METTL16: variants seen among roughly 807,000 people sequenced by gnomAD.
METTL16 encodes the protein methyltransferase 16, RNA N6-adenosine.
A neutral mutation model predicts 57.9 loss-of-function variants in METTL16; 19 were observed. The ratio of observed to expected loss-of-function variants is 0.33; its 90% CI spans 0.23 to 0.48. The LOEUF (loss-of-function observed/expected upper bound fraction) is 0.48. Ranked by LOEUF, METTL16 falls within the 20% of genes least tolerant of loss-of-function variation. METTL16 has a pLI of 0.99. For synonymous variants in METTL16, 246 were observed against 255.6 expected (o/e 0.96, Z 0.36); for missense variants, 434 against 691.5 (o/e 0.63, Z 4.18).
chr17:2,491,736 G>A (rs1319600013), intron 2 of METTL16, among the ~76,000 whole-genome samples: 21 of 150,844 alleles, frequency 1.4e-4, no homozygotes, highest in Non-Finnish European at 2.4e-4. Context: ...TTAGCCAGGC[G>A]TGGTGGTGGG....
At chr17:2,435,345 T>C (rs1213353995) in intron 8 of METTL16, among the ~76,000 whole-genome samples, 1 of 152,128 alleles carries the variant, frequency 6.6e-6, no homozygotes, top group African/African-American at 2.4e-5. Flanking sequence ...TAACTAGCTC[T>C]ATTCCTTGTC....
chr17:2,477,735 G>C lies in METTL16; in HGVS notation c.279C>G (p.Ile93Met), dbSNP rs371166494. The change falls in exon 3 of 10, where the codon ATC (isoleucine) becomes ATG (methionine). Residue 93 changes from isoleucine (I) to methionine (M), a missense_variant. Transcript: ENST00000263092. ...TACTTTTGTCAGAATCCTGGTGACC[G>C]ATCAGATCTTCTACCCAGTGAATAT... is the stretch of plus-strand genomic sequence containing the variant. ...LNYIHWVEDL[I>M]GHQDSDKSTL... 1 of 1,613,926 alleles carries C rather than the reference G, an allele frequency of 6.2e-7. No individual in the cohort carries two copies. The highest frequency in any genetic ancestry group is 1.1e-5 in the South Asian group (1 of 91,066).
intron 8 of METTL16, among the ~76,000 whole-genome samples, chr17:2,421,832 C>A (rs114303013): frequency 0.011 from 1,619 of 152,222 alleles, 18 homozygotes; most frequent in African/African-American, 0.032. Flanking sequence ...TGGCTGATGT[C>A]GGGACCAAGC....
intron 1 of METTL16, among the ~76,000 whole-genome samples, chr17:2,509,911 CAAA>C (rs776727388): frequency 2.8e-5 from 3 of 105,362 alleles, no homozygotes; most frequent in East Asian, 2.8e-4. Context: ...CACTCCGTCT[CAAA>C]AAAAAAAAAA....
At chr17:2,506,522 G>A (rs1454226015) in intron 1 of METTL16, among the ~76,000 whole-genome samples, 1 of 150,176 alleles carries the variant, frequency 6.7e-6, no homozygotes, top group Non-Finnish European at 1.5e-5. Flanking sequence ...TCCTAACCGC[G>A]AGTGATCCGC....
intron 3 of METTL16, among the ~76,000 whole-genome samples, chr17:2,474,306 T>C (rs2067254774): frequency 6.7e-6 from 1 of 150,126 alleles, no homozygotes; most frequent in Admixed American, 6.7e-5. Flanking sequence ...GGAAAAAATA[T>C]GTAGGGTATA....
At chr17:2,435,268 TA>T (rs1327366429) in intron 8 of METTL16, among the ~76,000 whole-genome samples, 2 of 152,244 alleles carry the variant, frequency 1.3e-5, no homozygotes, top group African/African-American at 4.8e-5. Flanking sequence ...GAAGTTGCCA[TA>T]GTAACTTGCA....
At chr17:2,452,852 T>C (rs2067081145) in intron 6 of METTL16, among the ~76,000 whole-genome samples, 1 of 152,116 alleles carries the variant, frequency 6.6e-6, no homozygotes, top group Admixed American at 6.6e-5. Context: ...TTTTTGTTTT[T>C]GTTTTTGTTT....
chr17:2,431,233 T>G (rs1163396342), intron 8 of METTL16, among the ~76,000 whole-genome samples: 1 of 151,506 alleles, frequency 6.6e-6, no homozygotes, highest in Admixed American at 6.6e-5. Flanking sequence ...ATGTGGGAGC[T>G]GCTGCACCCA....
intron 1 of METTL16, 139 bp from the exon 2 acceptor site, chr17:2,502,470 G>T (rs2067496348): frequency 1.5e-6 from 1 of 683,088 alleles, no homozygotes; most frequent in Non-Finnish European, 2.4e-6. Flanking sequence ...AGGAGTTCAA[G>T]ACCATCCCAT....
intron 1 of METTL16, among the ~76,000 whole-genome samples, chr17:2,511,209 AG>A (rs2067584632): frequency 1.1e-5 from 1 of 89,080 alleles, no homozygotes; most frequent in Admixed American, 1.4e-4. Context: ...CCTGAGAATG[AG>A]GCTTTCCCTT....
At position 2,511,887 on chromosome 17, in the gene METTL16, G is replaced by C. The variant is rs990821283; in HGVS notation, c.-129C>G. 13 of 398,516 alleles carry C rather than the reference G, an allele frequency of 3.3e-5. No individual in the cohort carries two copies. The highest frequency in any genetic ancestry group is 5.3e-5 in the Non-Finnish European group (12 of 226,150). The allele number at this position is 398,516 out of a possible 1,614,324, so 24.7% of individuals were successfully genotyped here. A position where few individuals can be genotyped will look rare whatever the true frequency, so the allele number is the denominator to read the frequency against. ...TACGCTCCCAGCGCGCCGCCATCTT[G>C]TGAAGCCATCTAGCCTCGTGATTGG... is the stretch of plus-strand genomic sequence containing the variant. On this transcript the variant is annotated 5_prime_UTR_variant, in exon 1 of 10. Transcript: ENST00000263092.
intron 6 of METTL16, among the ~76,000 whole-genome samples, chr17:2,460,829 G>A (rs969898146): frequency 6.7e-6 from 1 of 149,138 alleles, no homozygotes; most frequent in Non-Finnish European, 1.5e-5. Flanking sequence ...AGGTTGCAGT[G>A]AGCCAAGATC....
intron 3 of METTL16, among the ~76,000 whole-genome samples, chr17:2,475,769 C>T (rs1016234507): frequency 6.6e-5 from 10 of 152,132 alleles, no homozygotes; most frequent in Non-Finnish European, 1.5e-5. Context: ...CTGATGGAGT[C>T]TGGGGGAAGA....
chr17:2,510,100 C>CT, intron 1 of METTL16, among the ~76,000 whole-genome samples: 1 of 151,926 alleles, frequency 6.6e-6, no homozygotes, highest in Non-Finnish European at 1.5e-5. Flanking sequence ...AGAAAATGTT[C>CT]TTTCTTGTGA....
chr17:2,428,581 AT>A (rs1567881583), intron 8 of METTL16, among the ~76,000 whole-genome samples: 7 of 44,766 alleles, frequency 1.6e-4, no homozygotes, highest in African/African-American at 6.9e-4. Context: ...ATATATATAT[AT>A]ATATATATAT....
intron 6 of METTL16, among the ~76,000 whole-genome samples, chr17:2,457,907 T>C (rs1436401491): frequency 6.6e-6 from 1 of 152,152 alleles, no homozygotes; most frequent in African/African-American, 2.4e-5. Flanking sequence ...TGAGACGGGC[T>C]CTTGCTCTGT....
intron 6 of METTL16, among the ~76,000 whole-genome samples, chr17:2,451,261 T>C (rs2067067341): frequency 6.6e-6 from 1 of 152,188 alleles, no homozygotes; most frequent in Non-Finnish European, 1.5e-5. Context: ...GTAAAGTTAT[T>C]TAAAGGATAA....
chr17:2,465,403 TGG>T (rs1443625977), intron 5 of METTL16, among the ~76,000 whole-genome samples: 2 of 151,588 alleles, frequency 1.3e-5, no homozygotes, highest in Admixed American at 6.6e-5. Flanking sequence ...AAAAATTAGC[TGG>T]GCGTGGTGGC....
Sources: gnomAD v4.1 joint callset for allele counts (sites outside exome capture counted in the v4.1 genomes callset) on GRCh38, gnomAD v4.1.1 for gene constraint, MANE v1.5 for transcripts, NCBI Gene and HGNC (gene_info 2026-07-23, HGNC 2026-07-21) for gene names.